Variants in ANKS1B observed in about 807,000 individuals in gnomAD.
The protein encoded by ANKS1B is ankyrin repeat and sterile alpha motif domain containing 1B.
Under a neutral mutation model 148.3 loss-of-function variants are expected in ANKS1B, and 36 were observed. The observed-to-expected ratio is 0.24, with a 90% CI of 0.19 to 0.32. The LOEUF is 0.32. Ranked by LOEUF, ANKS1B falls within the 10% of genes least tolerant of loss-of-function variation. ANKS1B has a pLI of 1.00. For synonymous variants in ANKS1B, 542 were observed against 560.8 expected, an observed-to-expected ratio of 0.97 and a Z score of 0.47; for missense variants, 1,157 against 1,542.6, an observed-to-expected ratio of 0.75 and a Z score of 4.19.
At chr12:99,532,551 G>C (rs949168311) in intron 9 of ANKS1B, among the ~76,000 whole-genome samples, 2 of 152,058 alleles carry the variant, frequency 1.3e-5, no homozygotes, top group Non-Finnish European at 2.9e-5. Context: ...TAGTACAGAC[G>C]GGGTTTCATC....
chr12:99,030,931 C>T (rs79987577), intron 17 of ANKS1B, among the ~76,000 whole-genome samples: 3,031 of 152,240 alleles, frequency 0.02, 104 homozygotes, highest in African/African-American at 0.069. Flanking sequence ...TTTCTGAATC[C>T]GTCTACCCTA....
At chr12:99,692,032 C>T (rs565461811) in intron 8 of ANKS1B, among the ~76,000 whole-genome samples, 14 of 152,112 alleles carry the variant, frequency 9.2e-5, no homozygotes, top group South Asian at 6.2e-4. Context: ...ATTAGGTTGG[C>T]GAGATAGATG....
At chr12:99,934,246 T>G (rs530133978) in intron 1 of ANKS1B, among the ~76,000 whole-genome samples, 1 of 152,136 alleles carries the variant, frequency 6.6e-6, no homozygotes, top group Non-Finnish European at 1.5e-5. Context: ...TTTTGATGTA[T>G]CTTTGTCTGG....
At chr12:98,987,987 A>T (rs1219606407) in intron 17 of ANKS1B, among the ~76,000 whole-genome samples, 1 of 152,196 alleles carries the variant, frequency 6.6e-6, no homozygotes, top group African/African-American at 2.4e-5. Flanking sequence ...TTATTTATCT[A>T]TGTTTAAATC....
chr12:99,612,482 T>C (rs2097911046), intron 9 of ANKS1B, among the ~76,000 whole-genome samples: 1 of 152,088 alleles, frequency 6.6e-6, no homozygotes, highest in Non-Finnish European at 1.5e-5. Context: ...TTAAGTAACT[T>C]GCCAAAGGTC....
At chr12:99,529,308 T>C (rs557262459) in intron 9 of ANKS1B, among the ~76,000 whole-genome samples, 1 of 152,316 alleles carries the variant, frequency 6.6e-6, no homozygotes, top group South Asian at 2.1e-4. Context: ...ACTCGAACCC[T>C]TGAACCATTT....
intron 19 of ANKS1B, among the ~76,000 whole-genome samples, chr12:98,821,919 T>C (rs1293779523): frequency 6.6e-6 from 1 of 151,638 alleles, no homozygotes; most frequent in African/African-American, 2.4e-5. Flanking sequence ...GGGACTTTTT[T>C]TTTTTTTTTT....
At chr12:99,082,203 G>A (rs944872260) in intron 16 of ANKS1B, among the ~76,000 whole-genome samples, 2 of 152,090 alleles carry the variant, frequency 1.3e-5, no homozygotes, top group South Asian at 4.1e-4. Flanking sequence ...GGGTGAGATG[G>A]AAAATAATGA....
chr12:99,390,532 C>T (rs1446479147), intron 12 of ANKS1B, among the ~76,000 whole-genome samples: 2 of 152,124 alleles, frequency 1.3e-5, no homozygotes, highest in Admixed American at 6.5e-5. Flanking sequence ...GGAAATAGTT[C>T]TACATTTGTG....
intron 8 of ANKS1B, among the ~76,000 whole-genome samples, chr12:99,698,836 T>C (rs1486960234): frequency 6.6e-6 from 1 of 152,154 alleles, no homozygotes; most frequent in African/African-American, 2.4e-5. Flanking sequence ...TTTCTCTCCT[T>C]AAGGCCTATG....
intron 10 of ANKS1B, among the ~76,000 whole-genome samples, chr12:99,459,585 A>G (rs1746803662): frequency 6.6e-6 from 1 of 152,080 alleles, no homozygotes; most frequent in Admixed American, 6.6e-5. Context: ...ATTAACATAC[A>G]CAAATCAGTA....
At chr12:99,347,244 T>G (rs1452750183) in intron 12 of ANKS1B, among the ~76,000 whole-genome samples, 1 of 151,834 alleles carries the variant, frequency 6.6e-6, no homozygotes, top group Non-Finnish European at 1.5e-5. Context: ...ACAAAGAATA[T>G]TAGATGGGAT....
intron 11 of ANKS1B, among the ~76,000 whole-genome samples, chr12:99,420,474 ATCAGGG>A (rs2095048628): frequency 6.6e-6 from 1 of 152,206 alleles, no homozygotes; most frequent in African/African-American, 2.4e-5. Context: ...GTAAAATATA[ATCAGGG>A]TCATAAAAAT....
chr12:99,782,380 C>T lies in ANKS1B; in HGVS notation c.670-283G>A, dbSNP rs532772681. On this transcript the variant is annotated intron_variant, in intron 4 of 26. Coordinates refer to ENST00000683438, the MANE Select transcript of ANKS1B (RefSeq NM_001352186.2). ...TTCGAGACCAGCCTGGCCAACATGG[C>T]AAAACCCCGTCTCTACTAAAATACA... is the stretch of plus-strand genomic sequence containing the variant. 1.6e-4 allele frequency among the ~76,000 whole-genome samples: 24 copies of T among 152,072 alleles called. No individual in the cohort carries two copies. The East Asian group carries it at 4.5e-3, about 28-fold the overall frequency.
At chr12:99,247,651 AT>A (rs908172335) in intron 12 of ANKS1B, among the ~76,000 whole-genome samples, 1 of 152,088 alleles carries the variant, frequency 6.6e-6, no homozygotes. Context: ...ATTCCTTTGG[AT>A]TTTTTTCTAA....
At chr12:98,835,631 C>G (rs1235809221) in intron 17 of ANKS1B, among the ~76,000 whole-genome samples, 5 of 152,180 alleles carry the variant, frequency 3.3e-5, no homozygotes, top group Admixed American at 2.0e-4. Flanking sequence ...ATCGCTTAAT[C>G]TTCAATAGGA....
intron 9 of ANKS1B, among the ~76,000 whole-genome samples, chr12:99,574,308 T>C (rs909333392): frequency 1.3e-5 from 2 of 152,126 alleles, no homozygotes; most frequent in African/African-American, 2.4e-5. Flanking sequence ...TAGAGTCTTT[T>C]TTTTCTGGGA....
chr12:98,741,209 G>C (rs1311071639), downstream of ANKS1B, among the ~76,000 whole-genome samples: 3 of 152,138 alleles, frequency 2.0e-5, no homozygotes, highest in Admixed American at 6.5e-5. Context: ...TTCAACAAAT[G>C]TCACCGACCC....
At chr12:99,429,037 T>G (rs1203177074) in intron 11 of ANKS1B, among the ~76,000 whole-genome samples, 3 of 152,162 alleles carry the variant, frequency 2.0e-5, no homozygotes. Flanking sequence ...CATGGGTCTC[T>G]GCAAGTATAA....
Sources: allele counts gnomAD v4.1 joint callset (sites outside exome capture counted in the v4.1 genomes callset), GRCh38; gene constraint gnomAD v4.1.1; transcripts MANE v1.5; gene names NCBI Gene and HGNC (gene_info 2026-07-23, HGNC 2026-07-21).